RASSF8: variants seen among roughly 807,000 people sequenced by gnomAD.
RASSF8 encodes ras association domain-containing protein 8.
In RASSF8, 22 loss-of-function variants were observed where a neutral mutation model predicts 48.5. The observed-to-expected ratio is 0.45, with a 90% CI of 0.32 to 0.65. The LOEUF (loss-of-function observed/expected upper bound fraction) is 0.65, where lower values mean the gene tolerates loss of function less well. Ranked by LOEUF, RASSF8 falls within the 30% of genes least tolerant of loss-of-function variation. RASSF8 has a pLI of 0.03. For synonymous variants in RASSF8, 127 were observed against 171.5 expected (o/e 0.74, Z 2.03); for missense variants, 418 against 489.2 (o/e 0.85, Z 1.37).
intron 5 of RASSF8, among the ~76,000 whole-genome samples, chr12:26,078,751 T>C (rs1191742520): frequency 6.6e-6 from 1 of 152,196 alleles, no homozygotes; most frequent in Non-Finnish European, 1.5e-5. Flanking sequence ...GATTTAATGG[T>C]GCCTTCTTTT....
intron 2 of RASSF8, among the ~76,000 whole-genome samples, chr12:26,050,888 C>G (rs1304070710): frequency 6.6e-6 from 1 of 152,074 alleles, no homozygotes; most frequent in Non-Finnish European, 1.5e-5. Context: ...CACCTCTTTT[C>G]TTTGTTTTGA....
chr12:25,986,554 T>C (rs948162593), intron 1 of RASSF8, among the ~76,000 whole-genome samples: 5 of 152,206 alleles, frequency 3.3e-5, no homozygotes, highest in African/African-American at 1.2e-4. Flanking sequence ...TTTTGAGGCC[T>C]ATGATGTGCA....
At chr12:26,034,485 C>T (rs11048384) in intron 2 of RASSF8, among the ~76,000 whole-genome samples, 10,013 of 151,836 alleles carry the variant, frequency 0.066, 727 homozygotes, top group East Asian at 0.27. Context: ...CCATCTGGGC[C>T]GCATGCAGCC....
At chr12:26,000,644 A>G (rs992068441) in intron 2 of RASSF8, among the ~76,000 whole-genome samples, 1 of 152,180 alleles carries the variant, frequency 6.6e-6, no homozygotes, top group African/African-American at 2.4e-5. Context: ...ATAGCCTCCT[A>G]CACACCCAGG....
At chr12:26,047,907 CAGG>C (rs1943405782) in intron 2 of RASSF8, among the ~76,000 whole-genome samples, 1 of 152,154 alleles carries the variant, frequency 6.6e-6, no homozygotes, top group Non-Finnish European at 1.5e-5. Context: ...AGGTTGCAAG[CAGG>C]TAGAGAGAAA....
intron 2 of RASSF8, among the ~76,000 whole-genome samples, chr12:25,998,246 G>A (rs868179437): frequency 1.3e-5 from 2 of 151,528 alleles, no homozygotes; most frequent in Admixed American, 6.6e-5. Flanking sequence ...ATGAGGCATC[G>A]TTTTTATTAG....
At chr12:26,035,786 T>C (rs1170176238) in intron 2 of RASSF8, among the ~76,000 whole-genome samples, 2 of 145,108 alleles carry the variant, frequency 1.4e-5, no homozygotes, top group East Asian at 3.9e-4. Context: ...ATATATATGA[T>C]ATACATCACT....
chr12:26,045,204 A>G (rs926839027), intron 2 of RASSF8, among the ~76,000 whole-genome samples: 1 of 152,128 alleles, frequency 6.6e-6, no homozygotes, highest in Non-Finnish European at 1.5e-5. Context: ...TTTAACAAAG[A>G]CTCATAGGGA....
At chr12:26,014,923 A>G (rs1239875252) in intron 2 of RASSF8, among the ~76,000 whole-genome samples, 1 of 151,826 alleles carries the variant, frequency 6.6e-6, no homozygotes, top group Non-Finnish European at 1.5e-5. Flanking sequence ...TATTCCATAC[A>G]GGCTGGGCAT....
downstream of RASSF8, among the ~76,000 whole-genome samples, chr12:26,076,570 C>G (rs894314163): frequency 1.3e-4 from 19 of 151,300 alleles, no homozygotes; most frequent in African/African-American, 4.6e-4. Context: ...CCAGCTTCAT[C>G]CATGTCCCTG....
rs1944003254 is a variant in RASSF8 at position 26,071,656 on chromosome 12, G to A, written c.*2838G>A. 1 of 984,388 alleles carries A rather than the reference G, an allele frequency of 1.0e-6. No individual in the cohort carries two copies. The highest frequency in any genetic ancestry group is 1.2e-6 in the Non-Finnish European group (1 of 829,362). 61.0% of individuals were successfully genotyped at this position (984,388 alleles called of 1,614,324 possible). ...TTTTGTTTTTTGTCTTGATGCACAG[G>A]GACTTTTTTATAATATGAGACTTCA... is the stretch of plus-strand genomic sequence containing the variant. On this transcript the variant is annotated 3_prime_UTR_variant, in exon 6 of 6. Coordinates refer to ENST00000689635, the MANE Select transcript of RASSF8 (RefSeq NM_001394098.1).
At chr12:26,048,396 G>C (rs546703929) in intron 2 of RASSF8, among the ~76,000 whole-genome samples, 1 of 152,260 alleles carries the variant, frequency 6.6e-6, no homozygotes, top group South Asian at 2.1e-4. Flanking sequence ...TAGCAAGGCT[G>C]GAGTGGTAGA....
rs182183808 is a variant in RASSF8 at position 26,065,703 on chromosome 12, T to A, written c.993+316T>A. Among the ~76,000 whole-genome samples the A allele has an allele frequency of 2.0e-4, 31 of 152,328 alleles. 1 individual carries two copies. Among genetic ancestry groups the A allele is most frequent in the African/African-American group, 7.0e-4 (29 of 41,580 alleles). On this transcript the variant is annotated intron_variant, in intron 4 of 5. Coordinates refer to ENST00000689635, the MANE Select transcript of RASSF8 (RefSeq NM_001394098.1). ...ATAGGGAAACTAGAGCTGAAAGAGC[T>A]GTCCATGGATTGGTTGGCCAGGGAT...
At chr12:25,998,845 G>A (rs1317207091) in intron 2 of RASSF8, among the ~76,000 whole-genome samples, 1 of 152,128 alleles carries the variant, frequency 6.6e-6, no homozygotes, top group African/African-American at 2.4e-5. Context: ...TTCATGGCTA[G>A]TCTAATTAAT....
At chr12:25,970,880 C>CTT in intron 1 of RASSF8, among the ~76,000 whole-genome samples, 1 of 152,172 alleles carries the variant, frequency 6.6e-6, no homozygotes, top group Non-Finnish European at 1.5e-5. Context: ...AATGGTTCAT[C>CTT]CTCTTTTTTG....
chr12:26,073,807 C>CAT (rs1491253973), downstream of RASSF8, among the ~76,000 whole-genome samples: 1 of 119,616 alleles, frequency 8.4e-6, no homozygotes, highest in South Asian at 2.9e-4. Flanking sequence ...TATACACACA[C>CAT]ATATATATAC....
chr12:26,033,391 G>C (rs775735030), intron 2 of RASSF8, among the ~76,000 whole-genome samples: 2 of 152,144 alleles, frequency 1.3e-5, no homozygotes, highest in Non-Finnish European at 2.9e-5. Context: ...AATATAAAAT[G>C]ACAAGAATAA....
intron 2 of RASSF8, among the ~76,000 whole-genome samples, chr12:26,054,781 A>G (rs12581361): frequency 0.036 from 5,467 of 152,308 alleles, 540 homozygotes; most frequent in East Asian, 0.29. Context: ...GCTGAGTAAG[A>G]TACTTTGACA....
At chr12:26,029,240 T>C (rs1942979221) in intron 2 of RASSF8, among the ~76,000 whole-genome samples, 1 of 152,210 alleles carries the variant, frequency 6.6e-6, no homozygotes, top group South Asian at 2.1e-4. Context: ...TACCAGCATG[T>C]CTGCATTAGG....
Sources: allele counts gnomAD v4.1 joint callset (sites outside exome capture counted in the v4.1 genomes callset), GRCh38; gene constraint gnomAD v4.1.1; transcripts MANE v1.5; gene names NCBI Gene and HGNC (gene_info 2026-07-23, HGNC 2026-07-21).